Variants in UBE2K observed in about 807,000 individuals in gnomAD.
UBE2K encodes the protein ubiquitin-conjugating enzyme E2 K.
In UBE2K, 6 loss-of-function variants were observed where a neutral mutation model predicts 30.0. The observed-to-expected ratio is 0.20, with a 90% CI of 0.11 to 0.39. UBE2K has a LOEUF of 0.39. UBE2K is among the 10% of genes least tolerant of loss of function. The pLI is 1.00. For synonymous variants in UBE2K, 86 were observed against 83.7 expected (o/e 1.03, Z -0.15); for missense variants, 61 against 241.6 (o/e 0.25, Z 4.96).
At chr4:39,737,835 A>G (rs557655553) in intron 2 of UBE2K, among the ~76,000 whole-genome samples, 58 of 152,320 alleles carry the variant, frequency 3.8e-4, no homozygotes, top group Non-Finnish European at 7.6e-4. Context: ...GTTACCCTTC[A>G]TATGGTATCT....
At chr4:39,777,910 G>A (rs1451370429) in intron 6 of UBE2K, 100 bp downstream of exon 6, 3 of 1,153,228 alleles carry the variant, frequency 2.6e-6, no homozygotes, top group Non-Finnish European at 3.5e-6. Flanking sequence ...AGAGAAATTC[G>A]CAGCCTGGGC....
intron 1 of UBE2K, among the ~76,000 whole-genome samples, chr4:39,736,684 C>CT (rs1286197857): frequency 6.6e-6 from 1 of 152,092 alleles, no homozygotes; most frequent in African/African-American, 2.4e-5. Flanking sequence ...CTCAGTAATG[C>CT]TATAGATAGG....
chr4:39,772,026 A>G (rs1358714815), intron 4 of UBE2K, among the ~76,000 whole-genome samples: 1 of 152,138 alleles, frequency 6.6e-6, no homozygotes, highest in Non-Finnish European at 1.5e-5. Context: ...TTTGGCAGAC[A>G]GTGTTTCGCC....
At chr4:39,729,873 C>T (rs576196306) in intron 1 of UBE2K, among the ~76,000 whole-genome samples, 1 of 152,332 alleles carries the variant, frequency 6.6e-6, no homozygotes, top group African/African-American at 2.4e-5. Flanking sequence ...CTGGCTTTTC[C>T]TAAAGTTAAG....
At chr4:39,738,862 A>T (rs1403167917) in intron 2 of UBE2K, among the ~76,000 whole-genome samples, 2 of 151,600 alleles carry the variant, frequency 1.3e-5, no homozygotes, top group South Asian at 2.1e-4. Flanking sequence ...TTTAGTAGAG[A>T]CAGGGTTTCA....
At chr4:39,764,671 C>A (rs1712196191) in intron 4 of UBE2K, among the ~76,000 whole-genome samples, 1 of 151,928 alleles carries the variant, frequency 6.6e-6, no homozygotes, top group Admixed American at 6.6e-5. Context: ...CAAGCAATAC[C>A]CCTGTTTTGA....
intron 1 of UBE2K, among the ~76,000 whole-genome samples, chr4:39,716,378 G>C (rs1421408060): frequency 2.6e-5 from 4 of 152,108 alleles, no homozygotes; most frequent in Admixed American, 2.6e-4. Flanking sequence ...CTCCCAAGTA[G>C]CTGGCATTAC....
chr4:39,703,813 T>C (rs1168437779), intron 1 of UBE2K, among the ~76,000 whole-genome samples: 1 of 138,266 alleles, frequency 7.2e-6, no homozygotes, highest in Non-Finnish European at 1.5e-5. Flanking sequence ...ACCACTGCAC[T>C]GCAGCCTGGC....
chr4:39,775,670 T>G (rs1030958341), intron 5 of UBE2K, among the ~76,000 whole-genome samples: 10 of 152,174 alleles, frequency 6.6e-5, no homozygotes, highest in African/African-American at 1.9e-4. Context: ...GAGAATCGCT[T>G]GAACCTGGGT....
At chr4:39,765,514 T>G (rs1278892459) in intron 4 of UBE2K, among the ~76,000 whole-genome samples, 1 of 151,962 alleles carries the variant, frequency 6.6e-6, no homozygotes, top group Non-Finnish European at 1.5e-5. Flanking sequence ...TAAGTGACCG[T>G]GAGACCCTGT....
At chr4:39,770,087 G>T in intron 4 of UBE2K, 1 of 1,554,222 alleles carries the variant, frequency 6.4e-7, no homozygotes, top group Non-Finnish European at 8.7e-7. Context: ...GCGGCTAGCG[G>T]ATGAGGACAT....
chr4:39,744,102 A>G (rs888761826), intron 2 of UBE2K, among the ~76,000 whole-genome samples: 2 of 152,138 alleles, frequency 1.3e-5, no homozygotes, highest in Non-Finnish European at 1.5e-5. Flanking sequence ...GCGTCAAGTG[A>G]TCTGCCCACC....
rs139371148 is a variant in UBE2K, at chr4:39,781,977, T to C, written c.*3543T>C. 27 of 398,474 alleles carry C rather than the reference T, an allele frequency of 6.8e-5. No homozygotes were observed. The highest frequency in any genetic ancestry group is 5.3e-4 in the African/African-American group (26 of 48,774). The allele number at this position is 398,474 out of a possible 1,614,324, so 24.7% of individuals were successfully genotyped here. ...ATTCCCAAGTGTGACTTTTCTTCAGTGTCTACATATTATGTCACACGTTCT... is the reference window on the plus strand; with the variant it reads ...ATTCCCAAGTGTGACTTTTCTTCAGCGTCTACATATTATGTCACACGTTCT... On this transcript the variant is annotated 3_prime_UTR_variant, in exon 7 of 7. Coordinates refer to ENST00000261427, the MANE Select transcript of UBE2K (RefSeq NM_005339.5).
In UBE2K at chr4:39,698,237, G is replaced by C; in HGVS notation, c.-91G>C. The C allele has an allele frequency of 7.8e-7, 1 of 1,280,678 alleles. No homozygotes were observed. Among genetic ancestry groups the C allele is most frequent in the Non-Finnish European group, 1.1e-6 (1 of 896,276 alleles). The allele number at this position is 1,280,678 out of a possible 1,614,324, so 79.3% of individuals were successfully genotyped here. ...CGTGTGCTCAGGTCTGAATCGCCGAGGGAGGAGGCGGTGGAGGAAGAGGTG... is the reference window on the plus strand; with the variant it reads ...CGTGTGCTCAGGTCTGAATCGCCGACGGAGGAGGCGGTGGAGGAAGAGGTG... On this transcript the variant is annotated 5_prime_UTR_variant, in exon 1 of 7. Coordinates refer to ENST00000261427, the MANE Select transcript of UBE2K (RefSeq NM_005339.5).
intron 4 of UBE2K, 123 bp downstream of exon 4, chr4:39,755,862 A>T: frequency 3.2e-6 from 2 of 630,694 alleles, no homozygotes; most frequent in Non-Finnish European, 2.7e-6. Flanking sequence ...GTAACTTTAA[A>T]AGTCTCTTAA....
rs1478962598 is a variant in UBE2K at position 39,780,221 on chromosome 4, A to C, written c.*1787A>C. 2 of 152,178 alleles carry C rather than the reference A, an allele frequency of 1.3e-5. No individual in the cohort carries two copies. Among genetic ancestry groups the C allele is most frequent in the Non-Finnish European group, 2.9e-5 (2 of 68,014 alleles). The allele number at this position is 152,178 out of a possible 1,614,324, so 9.4% of individuals were successfully genotyped here. On this transcript the variant is annotated 3_prime_UTR_variant, in exon 7 of 7. Coordinates refer to ENST00000261427, the MANE Select transcript of UBE2K (RefSeq NM_005339.5). ...AGATTTTTCTTTATTTATTTTAAAT[A>C]CCTGAAACCTCGTACTTTATATTTT...
At chr4:39,725,395 A>AC (rs1410080176) in intron 1 of UBE2K, among the ~76,000 whole-genome samples, 13 of 146,262 alleles carry the variant, frequency 8.9e-5, no homozygotes, top group Non-Finnish European at 1.8e-4. Flanking sequence ...AAAAAAAAAA[A>AC]AAAAAAAAAA....
chr4:39,741,724 C>T (rs186508728), intron 2 of UBE2K, among the ~76,000 whole-genome samples: 1 of 152,210 alleles, frequency 6.6e-6, no homozygotes. Flanking sequence ...AATTCAATGA[C>T]AAAGGAACAG....
intron 4 of UBE2K, chr4:39,760,895 A>G (rs1365942649): frequency 6.6e-6 from 1 of 152,206 alleles, no homozygotes; most frequent in African/African-American, 2.4e-5. Flanking sequence ...AAAATACTCT[A>G]TTTTTATCCA....
Sources: allele counts gnomAD v4.1 joint callset (sites outside exome capture counted in the v4.1 genomes callset), GRCh38; gene constraint gnomAD v4.1.1; transcripts MANE v1.5; gene names NCBI Gene and HGNC (gene_info 2026-07-23, HGNC 2026-07-21).